NCKAP5: variants seen among roughly 807,000 people sequenced by gnomAD.
NCKAP5 encodes the protein nck-associated protein 5.
Under a neutral mutation model 167.0 loss-of-function variants are expected in NCKAP5, and 92 were observed. The observed-to-expected ratio is 0.55, with a 90% CI of 0.47 to 0.66. The LOEUF (loss-of-function observed/expected upper bound fraction) is 0.66. NCKAP5 is among the 30% of genes least tolerant of loss of function. The pLI is 0.00. For missense variants in NCKAP5, 2,378 were observed against 2,315.0 expected (o/e 1.03, Z -0.56); for synonymous variants, 891 against 877.4 (o/e 1.02, Z -0.27).
chr2:133,591,506 G>A, the NCKAP5 span, among the ~76,000 whole-genome samples: 1 of 152,194 alleles, frequency 6.6e-6, no homozygotes, highest in Non-Finnish European at 1.5e-5. Context: ...ATTTGTCAGA[G>A]GCAGAAGGGA....
intron 7 of NCKAP5, among the ~76,000 whole-genome samples, chr2:132,990,054 C>T (rs992808081): frequency 2.0e-5 from 3 of 152,098 alleles, no homozygotes; most frequent in Admixed American, 2.0e-4. Context: ...AGACATGGTC[C>T]CAGAACACTG....
Position 132,783,847 on chromosome 2 carries a change from C to T in NCKAP5, c.2964G>A (p.Thr988=), listed in dbSNP as rs375427480. 22 of 1,532,020 alleles carry T rather than the reference C, an allele frequency of 1.4e-5. No individual in the cohort carries two copies. The highest frequency in any genetic ancestry group is 2.3e-5 in the East Asian group (1 of 44,178). 94.9% of individuals were successfully genotyped at this position (1,532,020 alleles called of 1,614,324 possible). ...AAGGTTTCTTCCTCTGCACTTCTGT[C>T]GTGGCCGGATTAGAAGAAATAACTG... ...SAPVISSNPA[T]TEVQRKKPSV... The change falls in exon 14 of 20, where the codon ACG becomes ACA. Residue 988 remains threonine (T), a synonymous_variant. Transcript: ENST00000409261.
rs74942295 is a variant in NCKAP5, at chr2:132,948,460, C to T, written c.579+15260G>A. 4.2e-3 allele frequency among the ~76,000 whole-genome samples: 632 copies of T among 152,178 alleles called. 12 individuals carry two copies. In the East Asian group the frequency reaches 0.049, roughly 12 times the overall value. ...TCCCTGAAGCACAGCCTGCAGCGAG[C>T]GAAGGGGCACAGGCAGGGAGGCAGA... On this transcript the variant is annotated intron_variant, in intron 8 of 19. Transcript: ENST00000409261.
At chr2:133,540,068 C>G (rs1399441170) in intron 2 of NCKAP5, among the ~76,000 whole-genome samples, 1 of 152,106 alleles carries the variant, frequency 6.6e-6, no homozygotes, top group Non-Finnish European at 1.5e-5. Flanking sequence ...ACAGTCCCAG[C>G]TACTCAGGAG....
intron 4 of NCKAP5, among the ~76,000 whole-genome samples, chr2:133,242,239 TTTTTC>T (rs1018828113): frequency 2.0e-4 from 30 of 149,148 alleles, no homozygotes; most frequent in South Asian, 8.4e-4. Flanking sequence ...AAATACTCTG[TTTTTC>T]TTTTCTTTTC....
chr2:133,429,524 G>A (rs1690025597), intron 3 of NCKAP5, among the ~76,000 whole-genome samples: 1 of 151,862 alleles, frequency 6.6e-6, no homozygotes, highest in Non-Finnish European at 1.5e-5. Context: ...GTATGTCTGT[G>A]TGCCCCCCAG....
intron 4 of NCKAP5, among the ~76,000 whole-genome samples, chr2:133,283,864 G>T (rs1574598585): frequency 6.6e-6 from 1 of 152,098 alleles, no homozygotes; most frequent in Non-Finnish European, 1.5e-5. Flanking sequence ...GCCCGCCTCG[G>T]CCTCCCAAAG....
the NCKAP5 span, among the ~76,000 whole-genome samples, chr2:133,590,807 CTTTGA>C: frequency 1.8e-4 from 27 of 152,248 alleles, no homozygotes; most frequent in African/African-American, 5.5e-4. Context: ...AAGCAGAAGA[CTTTGA>C]TTTAATAAGC....
chr2:133,250,470 G>A (rs1039233789), intron 4 of NCKAP5, among the ~76,000 whole-genome samples: 33 of 152,134 alleles, frequency 2.2e-4, no homozygotes, highest in East Asian at 3.9e-4. Context: ...CTTAGGGCAC[G>A]TAAGACAGCA....
At chr2:133,242,232 T>A (rs2087745961) in intron 4 of NCKAP5, among the ~76,000 whole-genome samples, 1 of 150,330 alleles carries the variant, frequency 6.7e-6, no homozygotes, top group Non-Finnish European at 1.5e-5. Context: ...GCTTGGTAAA[T>A]ACTCTGTTTT....
intron 10 of NCKAP5, among the ~76,000 whole-genome samples, chr2:132,865,634 C>G (rs1028259825): frequency 3.3e-5 from 5 of 152,106 alleles, no homozygotes; most frequent in African/African-American, 1.2e-4. Context: ...CGTTGGATTT[C>G]AATCCTTCTT....
intron 6 of NCKAP5, among the ~76,000 whole-genome samples, chr2:133,003,242 T>C (rs1482413842): frequency 6.6e-6 from 1 of 152,222 alleles, no homozygotes; most frequent in African/African-American, 2.4e-5. Flanking sequence ...TATTTTGCAT[T>C]GCCTCCCATA....
chr2:133,614,543 G>C, the NCKAP5 span, among the ~76,000 whole-genome samples: 14 of 152,204 alleles, frequency 9.2e-5, 1 homozygote, highest in Admixed American at 8.5e-4. Context: ...GGAAGAAAGG[G>C]TATCAGCGAT....
intron 3 of NCKAP5, among the ~76,000 whole-genome samples, chr2:133,458,503 G>A (rs991415288): frequency 7.2e-5 from 11 of 152,014 alleles, no homozygotes; most frequent in African/African-American, 2.2e-4. Context: ...CAACCAAAAC[G>A]ATGAAATATG....
intron 3 of NCKAP5, among the ~76,000 whole-genome samples, chr2:133,336,670 G>A (rs1683227117): frequency 6.6e-6 from 1 of 152,188 alleles, no homozygotes; most frequent in Admixed American, 6.5e-5. Flanking sequence ...AATAAAACAA[G>A]ATGGTAGTCT....
chr2:132,759,917 T>C lies in NCKAP5; in HGVS notation c.5128+13899A>G, dbSNP rs1395482507. 2.0e-5 allele frequency among the ~76,000 whole-genome samples: 3 copies of C among 152,028 alleles called. No homozygotes were observed. In the East Asian group the frequency reaches 5.8e-4, roughly 29 times the overall value. On this transcript the variant is annotated intron_variant, in intron 16 of 19. Coordinates refer to ENST00000409261, the MANE Select transcript of NCKAP5 (RefSeq NM_207363.3). ...GTTTTCTTTTGGTTTGTGTTTCTCCTCCTTACTATTTAACTTTCCCCCTAC... is the reference window on the plus strand; with the variant it reads ...GTTTTCTTTTGGTTTGTGTTTCTCCCCCTTACTATTTAACTTTCCCCCTAC...
At chr2:133,537,518 T>C (rs1045319566) in intron 2 of NCKAP5, among the ~76,000 whole-genome samples, 1 of 152,124 alleles carries the variant, frequency 6.6e-6, no homozygotes, top group Non-Finnish European at 1.5e-5. Flanking sequence ...TACTTCATTT[T>C]CTAAATTTAT....
At chr2:133,171,041 C>T (rs1437883424) in intron 5 of NCKAP5, among the ~76,000 whole-genome samples, 1 of 152,160 alleles carries the variant, frequency 6.6e-6, no homozygotes, top group East Asian at 1.9e-4. Flanking sequence ...AAGAGACTAT[C>T]TGAAGCAAAA....
chr2:132,898,730 A>T (rs763697722), intron 8 of NCKAP5, among the ~76,000 whole-genome samples: 7 of 152,240 alleles, frequency 4.6e-5, no homozygotes, highest in Non-Finnish European at 2.9e-5. Context: ...GAGTAGTAAT[A>T]TTTGGAAAGG....
Sources: gnomAD v4.1 joint callset for allele counts (sites outside exome capture counted in the v4.1 genomes callset) on GRCh38, gnomAD v4.1.1 for gene constraint, MANE v1.5 for transcripts, NCBI Gene and HGNC (gene_info 2026-07-23, HGNC 2026-07-21) for gene names.